PRELID2: variants seen among roughly 807,000 people sequenced by gnomAD.
PRELID2 encodes PRELI domain-containing protein 2.
Under a neutral mutation model 28.4 loss-of-function variants are expected in PRELID2, and 25 were observed. That is an observed-to-expected ratio of 0.88 (90% CI 0.64 to 1.23). PRELID2 has a LOEUF of 1.23. Ranked by LOEUF, PRELID2 falls within the 50% of genes most tolerant of loss-of-function variation. The pLI is 0.00. For synonymous variants in PRELID2, 76 were observed against 71.6 expected (o/e 1.06, Z -0.31); for missense variants, 201 against 214.4 (o/e 0.94, Z 0.39).
In PRELID2 at chr5:145,524,720, C is replaced by T. The variant is rs369803288; in HGVS notation, n.71-51405G>A. Among the ~76,000 whole-genome samples the T allele has an allele frequency of 3.2e-4, 48 of 152,290 alleles. No homozygotes were observed. In the East Asian group the frequency reaches 6.2e-3, roughly 20 times the overall value. Reference sequence around the variant, plus strand: ...AACTAGGTCCCCTCAGAAAAAGCTCCAATCCAAGTTACCTGGAATAACTCG... The same window carrying T: ...AACTAGGTCCCCTCAGAAAAAGCTCTAATCCAAGTTACCTGGAATAACTCG... On this transcript the variant is annotated intron_variant and non_coding_transcript_variant, in intron 1 of 2. Coordinates refer to the PRELID2 transcript ENST00000510259.
chr5:145,775,399 A>G (rs1758349993), intron 5 of PRELID2, among the ~76,000 whole-genome samples: 2 of 152,210 alleles, frequency 1.3e-5, no homozygotes, highest in African/African-American at 2.4e-5. Context: ...CCTACAATCA[A>G]AAAATAATTT....
At chr5:145,603,585 A>G (rs1298029433) in intron 1 of PRELID2, among the ~76,000 whole-genome samples, 4 of 152,166 alleles carry the variant, frequency 2.6e-5, no homozygotes, top group Non-Finnish European at 5.9e-5. Context: ...GCAGAAGAAT[A>G]CTCATTACAA....
the PRELID2 span, among the ~76,000 whole-genome samples, chr5:145,334,346 A>G: frequency 2.6e-5 from 4 of 152,146 alleles, no homozygotes; most frequent in Non-Finnish European, 5.9e-5. Context: ...AAAACTCTAC[A>G]CTTTTAATTC....
chr5:145,289,524 G>C, the PRELID2 span, among the ~76,000 whole-genome samples: 1 of 152,126 alleles, frequency 6.6e-6, no homozygotes, highest in Non-Finnish European at 1.5e-5. Flanking sequence ...GTTGCTTCCA[G>C]TTTTTGGTGA....
chr5:145,569,131 A>C (rs1354685560), intron 1 of PRELID2, among the ~76,000 whole-genome samples: 2 of 152,238 alleles, frequency 1.3e-5, no homozygotes, highest in Non-Finnish European at 2.9e-5. Flanking sequence ...AAAAGTACAG[A>C]CTGAAAAACT....
the PRELID2 span, among the ~76,000 whole-genome samples, chr5:145,378,886 C>A: frequency 6.6e-6 from 1 of 152,092 alleles, no homozygotes. Context: ...TGTCAGGGTT[C>A]CTTTGCTGAT....
the PRELID2 span, among the ~76,000 whole-genome samples, chr5:145,295,731 T>C: frequency 6.6e-6 from 1 of 152,212 alleles, no homozygotes; most frequent in Non-Finnish European, 1.5e-5. Flanking sequence ...TATGTTCATG[T>C]AGCGAATTGA....
At chr5:145,512,882 G>T (rs1427902559) in intron 1 of PRELID2, among the ~76,000 whole-genome samples, 1 of 152,178 alleles carries the variant, frequency 6.6e-6, no homozygotes, top group African/African-American at 2.4e-5. Flanking sequence ...CAGCAGACCT[G>T]CAGCAGAGAG....
intron 1 of PRELID2, among the ~76,000 whole-genome samples, chr5:145,582,364 G>A (rs746072113): frequency 6.6e-6 from 1 of 152,036 alleles, no homozygotes; most frequent in Admixed American, 6.6e-5. Context: ...GAGAGACAGA[G>A]AGCAAACAGG....
the PRELID2 span, among the ~76,000 whole-genome samples, chr5:145,256,518 C>T: frequency 4.6e-5 from 7 of 151,886 alleles, no homozygotes; most frequent in Non-Finnish European, 7.4e-5. Context: ...ACCTTAGTTG[C>T]CCTTTTCCAT....
chr5:145,794,131 T>A (rs188050016), intron 5 of PRELID2, among the ~76,000 whole-genome samples: 33 of 152,284 alleles, frequency 2.2e-4, no homozygotes. Flanking sequence ...GAGGCCCATG[T>A]CCCATTATAT....
chr5:145,835,315 C>G lies in PRELID2; in HGVS notation c.-64G>C. 1.7e-6 allele frequency: 2 copies of G among 1,157,066 alleles called. No homozygotes were observed. Among genetic ancestry groups the G allele is most frequent in the Non-Finnish European group, 2.5e-6 (2 of 806,408 alleles). The allele number at this position is 1,157,066 out of a possible 1,614,324, so 71.7% of individuals were successfully genotyped here. A position where few individuals can be genotyped will look rare whatever the true frequency, so the allele number is the denominator to read the frequency against. On this transcript the variant is annotated 5_prime_UTR_variant, in exon 1 of 7. Transcript: ENST00000683046. ...CGCGAGCTCAGAGCTGCCCAGGGCT[C>G]CGCAGAGGCCCGGAGGCGCCCACAC...
the PRELID2 span, among the ~76,000 whole-genome samples, chr5:145,385,084 G>A: frequency 6.6e-6 from 1 of 151,992 alleles, no homozygotes; most frequent in African/African-American, 2.4e-5. Flanking sequence ...TCTTGATTTG[G>A]GTGGTGATTA....
chr5:145,320,142 T>A, the PRELID2 span, among the ~76,000 whole-genome samples: 1 of 152,248 alleles, frequency 6.6e-6, no homozygotes, highest in Non-Finnish European at 1.5e-5. Flanking sequence ...CACACTGGAT[T>A]GGATTGAAGA....
chr5:145,516,245 T>C (rs1018617214), intron 1 of PRELID2, among the ~76,000 whole-genome samples: 1 of 152,130 alleles, frequency 6.6e-6, no homozygotes, highest in Non-Finnish European at 1.5e-5. Context: ...GAAAACCCCA[T>C]CGTCTGAGCC....
rs550513212 is a variant in PRELID2, at chr5:145,721,570, A to G, written n.70+43361T>C. Among the ~76,000 whole-genome samples, 3 of 152,302 alleles carry G rather than the reference A, an allele frequency of 2.0e-5. No homozygotes were observed. The South Asian group carries it at 6.2e-4, about 32-fold the overall frequency. ...ACATAGTAATTTTATAAAAACTACAACTGAAATAAAGTGACAGAGTATAGA... is the reference window on the plus strand; with the variant it reads ...ACATAGTAATTTTATAAAAACTACAGCTGAAATAAAGTGACAGAGTATAGA... On this transcript the variant is annotated intron_variant and non_coding_transcript_variant, in intron 1 of 2. Coordinates refer to the PRELID2 transcript ENST00000510259.
At chr5:145,585,542 A>G (rs1483304189) in intron 1 of PRELID2, among the ~76,000 whole-genome samples, 1 of 152,182 alleles carries the variant, frequency 6.6e-6, no homozygotes, top group East Asian at 1.9e-4. Context: ...GTAATGATAA[A>G]GAGCCAGACA....
the PRELID2 span, chr5:145,450,906 C>T: frequency 7.9e-5 from 12 of 152,110 alleles, no homozygotes; most frequent in Non-Finnish European, 1.5e-4. Context: ...CCACAGAGCA[C>T]TTTCACATCA....
rs1324829668 is a variant in PRELID2 at position 145,658,189 on chromosome 5, C to T, written n.70+106742G>A. On this transcript the variant is annotated intron_variant and non_coding_transcript_variant, in intron 1 of 2. Transcript: ENST00000510259. ...CTTTTATTATAAGATGTTAACGTGA[C>T]AAGTGTTAGGACTATGAACAAAAAA... Among the ~76,000 whole-genome samples, 3 of 152,138 alleles carry T rather than the reference C, an allele frequency of 2.0e-5. No homozygotes were observed. The East Asian group carries it at 5.8e-4, about 29-fold the overall frequency.
Sources: gnomAD v4.1 joint callset for allele counts (sites outside exome capture counted in the v4.1 genomes callset) on GRCh38, gnomAD v4.1.1 for gene constraint, MANE v1.5 for transcripts, NCBI Gene and HGNC (gene_info 2026-07-23, HGNC 2026-07-21) for gene names.